FRMD5: variants seen among roughly 807,000 people sequenced by gnomAD.
FRMD5 encodes the protein FERM domain containing 5, also known as FERM domain-containing protein 5.
In FRMD5, 20 loss-of-function variants were observed where a neutral mutation model predicts 69.0. The ratio of observed to expected loss-of-function variants is 0.29; its 90% CI spans 0.20 to 0.42. The LOEUF (loss-of-function observed/expected upper bound fraction) is 0.42. Ranked by LOEUF, FRMD5 falls within the 10% of genes least tolerant of loss-of-function variation. The probability of loss-of-function intolerance (pLI) is 1.00; values close to 1 mark genes in which losing one functional copy is unlikely to be tolerated. For synonymous variants in FRMD5, 271 were observed against 260.1 expected (o/e 1.04, Z -0.40); for missense variants, 595 against 708.6 (o/e 0.84, Z 1.82).
At chr15:44,179,333 C>T (rs903770873) in intron 1 of FRMD5, among the ~76,000 whole-genome samples, 1 of 152,200 alleles carries the variant, frequency 6.6e-6, no homozygotes, top group African/African-American at 2.4e-5. Context: ...AGTTTCTAAT[C>T]TGGTTTTCCA....
At chr15:44,197,410 G>A (rs554924453), upstream of FRMD5, among the ~76,000 whole-genome samples, 10 of 152,160 alleles carry the variant, frequency 6.6e-5, no homozygotes, top group East Asian at 1.9e-4. Context: ...CAGGCTGGGC[G>A]CAGTGGCTCA....
intron 1 of FRMD5, among the ~76,000 whole-genome samples, chr15:44,124,184 G>C (rs1285227107): frequency 6.6e-6 from 1 of 151,524 alleles, no homozygotes; most frequent in Non-Finnish European, 1.5e-5. Flanking sequence ...GTAGAGATGG[G>C]GTTTCACCAT....
rs374527134 is a variant in FRMD5 at position 44,125,200 on chromosome 15, A to G, written c.102+69753T>C. 8.5e-4 allele frequency among the ~76,000 whole-genome samples: 130 copies of G among 152,098 alleles called. 1 individual carries two copies. The highest frequency in any genetic ancestry group is 3.0e-3 in the African/African-American group (124 of 41,476). On this transcript the variant is annotated intron_variant, in intron 1 of 13. Coordinates refer to ENST00000417257, the MANE Select transcript of FRMD5 (RefSeq NM_032892.5). ...GCCGATAATCCCAGCTACTCAGGAC[A>G]CTGAGGCGGGAAGATTGCTTGAGTC...
At chr15:43,932,703 T>C (rs1185022582) in intron 1 of FRMD5, among the ~76,000 whole-genome samples, 1 of 152,254 alleles carries the variant, frequency 6.6e-6, no homozygotes, top group African/African-American at 2.4e-5. Flanking sequence ...GTTCCCTCTG[T>C]AGTTAAACCT....
chr15:43,997,788 A>G (rs1890004882), intron 1 of FRMD5, among the ~76,000 whole-genome samples: 1 of 152,230 alleles, frequency 6.6e-6, no homozygotes, highest in African/African-American at 2.4e-5. Context: ...TGCACGCCAC[A>G]AGAAACAATT....
intron 1 of FRMD5, among the ~76,000 whole-genome samples, chr15:44,014,080 G>A (rs1313819308): frequency 6.6e-6 from 1 of 151,964 alleles, no homozygotes; most frequent in Non-Finnish European, 1.5e-5. Flanking sequence ...GGCTGATCTC[G>A]ATCTCTGGAG....
At chr15:44,001,562 T>C (rs1890213037) in intron 1 of FRMD5, among the ~76,000 whole-genome samples, 1 of 152,116 alleles carries the variant, frequency 6.6e-6, no homozygotes. Context: ...CTTTAATCCA[T>C]TTTGAGTTTA....
At chr15:44,148,111 T>A (rs763698806) in intron 1 of FRMD5, among the ~76,000 whole-genome samples, 3 of 152,210 alleles carry the variant, frequency 2.0e-5, no homozygotes, top group Non-Finnish European at 2.9e-5. Context: ...TGGGCCCACA[T>A]CCTTTTTGTT....
At chr15:44,112,687 G>A (rs550570647) in intron 1 of FRMD5, among the ~76,000 whole-genome samples, 1 of 151,906 alleles carries the variant, frequency 6.6e-6, no homozygotes, top group Non-Finnish European at 1.5e-5. Flanking sequence ...GGATGGTCTC[G>A]ATCTCATCGA....
At position 43,892,075 on chromosome 15, in the gene FRMD5, A is replaced by G; in HGVS notation, c.640-6T>C. 1 of 1,613,234 alleles carries G rather than the reference A, an allele frequency of 6.2e-7. No homozygotes were observed. The highest frequency in any genetic ancestry group is 8.5e-7 in the Non-Finnish European group (1 of 1,179,250). On this transcript the variant is annotated splice_polypyrimidine_tract_variant and splice_region_variant and intron_variant, in intron 7 of 13. Transcript: ENST00000417257. Reference sequence around the variant, plus strand: ...GCAGCATTTCCTGACACGTCCTGCAACACAGAAAGACTTCTCATCGGGTGA... The same window carrying G: ...GCAGCATTTCCTGACACGTCCTGCAGCACAGAAAGACTTCTCATCGGGTGA...
intron 1 of FRMD5, among the ~76,000 whole-genome samples, chr15:44,063,277 T>C (rs1003832351): frequency 2.6e-5 from 4 of 152,238 alleles, no homozygotes; most frequent in African/African-American, 7.2e-5. Flanking sequence ...CAGTTATCTT[T>C]TTCTTCCTGG....
At chr15:43,977,412 C>T (rs1484058425) in intron 1 of FRMD5, among the ~76,000 whole-genome samples, 4 of 152,110 alleles carry the variant, frequency 2.6e-5, no homozygotes, top group Non-Finnish European at 5.9e-5. Context: ...GATGTAGGTT[C>T]TCTTTGACTA....
At chr15:44,056,731 C>T (rs1362336335) in intron 1 of FRMD5, among the ~76,000 whole-genome samples, 1 of 152,102 alleles carries the variant, frequency 6.6e-6, no homozygotes, top group Admixed American at 6.5e-5. Flanking sequence ...GAAACCTAGG[C>T]TAGGAAGGGC....
chr15:44,038,520 C>CTGTTTTTTTTTT (rs1892026516), intron 1 of FRMD5, among the ~76,000 whole-genome samples: 3 of 63,196 alleles, frequency 4.7e-5, no homozygotes, highest in Non-Finnish European at 8.5e-5. Context: ...CTAGCCAGAG[C>CTGTTTTTTTTTT]TTTTTTTTTT....
At chr15:44,038,858 G>T (rs550105912) in intron 1 of FRMD5, among the ~76,000 whole-genome samples, 3 of 152,108 alleles carry the variant, frequency 2.0e-5, no homozygotes, top group Non-Finnish European at 2.9e-5. Context: ...CTTCACAACC[G>T]GCAGACCATG....
At chr15:44,087,734 TGCTATCATC>T (rs1170396140) in intron 1 of FRMD5, among the ~76,000 whole-genome samples, 1 of 106,536 alleles carries the variant, frequency 9.4e-6, no homozygotes, top group Non-Finnish European at 1.9e-5. Flanking sequence ...AAATATCAGC[TGCTATCATC>T]ATCATCATCA....
intron 4 of FRMD5, chr15:43,917,791 C>T (rs1252710807): frequency 1.3e-5 from 2 of 152,414 alleles, no homozygotes; most frequent in Non-Finnish European, 2.9e-5. Context: ...GAGCCACCTC[C>T]ACTTCCACAT....
intron 1 of FRMD5, among the ~76,000 whole-genome samples, chr15:43,948,117 G>A (rs917319458): frequency 5.9e-5 from 9 of 152,198 alleles, no homozygotes; most frequent in African/African-American, 1.7e-4. Context: ...GAAAATCAAA[G>A]TACAGAGAAA....
rs1234220654 is a variant in FRMD5 at position 43,888,889 on chromosome 15, A to T, written c.729-17T>A. On this transcript the variant is annotated splice_polypyrimidine_tract_variant and intron_variant, in intron 8 of 13. Coordinates refer to ENST00000417257, the MANE Select transcript of FRMD5 (RefSeq NM_032892.5). ...ACCTCATTCCTAGAAGCACAAAGAT[A>T]GTGCCTGTCACCTCATTGTGGGCTG... 25 of 1,610,936 alleles carry T rather than the reference A, an allele frequency of 1.6e-5. No individual in the cohort carries two copies. Among genetic ancestry groups the T allele is most frequent in the African/African-American group, 2.7e-5 (2 of 74,874 alleles).
Sources: gnomAD v4.1 joint callset for allele counts (sites outside exome capture counted in the v4.1 genomes callset) on GRCh38, gnomAD v4.1.1 for gene constraint, MANE v1.5 for transcripts, NCBI Gene and HGNC (gene_info 2026-07-23, HGNC 2026-07-21) for gene names.